ACBD6: variants seen among roughly 807,000 people sequenced by gnomAD.
ACBD6 encodes acyl-CoA binding domain containing 6, also known as acyl-CoA-binding domain-containing protein 6.
ACBD6 carries 28 observed loss-of-function variants against 37.2 expected under a neutral mutation model. That is an observed-to-expected ratio of 0.75 (90% confidence interval 0.56 to 1.03). The LOEUF is 1.03. ACBD6 is among the 50% of genes least tolerant of loss of function. The pLI, the probability that ACBD6 is intolerant of heterozygous loss-of-function variation, is 0.00. For synonymous variants in ACBD6, 113 were observed against 126.8 expected, an observed-to-expected ratio of 0.89 and a Z score of 0.73; for missense variants, 340 against 337.4, an observed-to-expected ratio of 1.01 and a Z score of -0.06.
rs558633220 is a variant in ACBD6, at chr1:180,502,246, G to A, written c.21C>T (p.Pro7=). The change falls in exon 1 of 8, where the codon CCC becomes CCT. Residue 7 remains proline, a synonymous_variant. Transcript: ENST00000367595. Reference sequence around the variant, plus strand: ...CGCTGTCGCCGGTGATGGCCCCCGCGGGCAGGAATGATGAAGCCATGTCTC... The same window carrying A: ...CGCTGTCGCCGGTGATGGCCCCCGCAGGCAGGAATGATGAAGCCATGTCTC... MASSFL[P]AGAITGDSGG... is the part of the protein sequence containing the mutation. 63 of 1,613,544 alleles carry A rather than the reference G, an allele frequency of 3.9e-5. No individual in the cohort carries two copies. The South Asian group carries it at 6.5e-4, about 17-fold the overall frequency.
intron 6 of ACBD6, among the ~76,000 whole-genome samples, chr1:180,337,105 A>T (rs1419376489): frequency 6.6e-6 from 1 of 152,230 alleles, no homozygotes; most frequent in East Asian, 1.9e-4. Flanking sequence ...TTCCTTCTGA[A>T]ACTATTCCAA....
chr1:180,271,710 C>T (rs1412188988), exon 14 of ACBD6: 19 of 1,285,116 alleles, frequency 1.5e-5, no homozygotes, highest in Non-Finnish European at 1.6e-5. Context: ...TGGGGCGCAT[C>T]GCACTCCCAG....
At chr1:180,347,726 G>C (rs12048418) in intron 6 of ACBD6, among the ~76,000 whole-genome samples, 143,468 of 152,244 alleles carry the variant, frequency 0.94, 67,645 homozygotes, top group East Asian at 0.98. Context: ...AATCCCAGCA[G>C]TTTGGGAGGC....
chr1:180,434,931 A>G (rs1648960728), intron 3 of ACBD6: 2 of 783,598 alleles, frequency 2.6e-6, no homozygotes, highest in Non-Finnish European at 4.7e-6. Flanking sequence ...AGGCTCAGCC[A>G]ACATTGAGAC....
chr1:180,367,304 C>T (rs146460780), intron 6 of ACBD6, among the ~76,000 whole-genome samples: 1 of 152,258 alleles, frequency 6.6e-6, no homozygotes, highest in East Asian at 1.9e-4. Flanking sequence ...CAAAATGACT[C>T]CAAGTTCCAG....
chr1:180,464,752 A>G (rs1445124274), intron 3 of ACBD6, among the ~76,000 whole-genome samples: 1 of 152,196 alleles, frequency 6.6e-6, no homozygotes, highest in East Asian at 1.9e-4. Flanking sequence ...AAAAGAAAAA[A>G]GCCAGAGAAA....
At chr1:180,335,641 G>C (rs1651681837) in intron 6 of ACBD6, among the ~76,000 whole-genome samples, 1 of 151,252 alleles carries the variant, frequency 6.6e-6, no homozygotes, top group Non-Finnish European at 1.5e-5. Flanking sequence ...ATAATGACAG[G>C]ATCAAATTCA....
chr1:180,368,602 C>A (rs768613388), intron 6 of ACBD6, among the ~76,000 whole-genome samples: 1 of 152,020 alleles, frequency 6.6e-6, no homozygotes, highest in Non-Finnish European at 1.5e-5. Context: ...TATGGCTAGC[C>A]AGTTATCCCA....
chr1:180,335,086 T>G (rs1347388962), intron 6 of ACBD6, among the ~76,000 whole-genome samples: 2 of 152,320 alleles, frequency 1.3e-5, no homozygotes, highest in Admixed American at 1.3e-4. Flanking sequence ...GAAAACACTC[T>G]GCAGGATATT....
At chr1:180,464,504 A>G (rs1230398428) in intron 3 of ACBD6, among the ~76,000 whole-genome samples, 1 of 152,172 alleles carries the variant, frequency 6.6e-6, no homozygotes, top group Admixed American at 6.5e-5. Context: ...GATCTCTACA[A>G]TGAGAATTAC....
chr1:180,435,063 GCA>G, intron 3 of ACBD6: 1 of 829,446 alleles, frequency 1.2e-6, no homozygotes, highest in Non-Finnish European at 2.1e-6. Flanking sequence ...AGGTCAGCTT[GCA>G]CATGATCTGA....
chr1:180,483,749 T>C (rs1032231935), intron 3 of ACBD6, among the ~76,000 whole-genome samples: 3 of 152,202 alleles, frequency 2.0e-5, no homozygotes, highest in Non-Finnish European at 4.4e-5. Context: ...ATTAATGTCA[T>C]TAATGGGCTG....
chr1:180,478,569 A>T (rs780344917), intron 3 of ACBD6, among the ~76,000 whole-genome samples: 63 of 151,812 alleles, frequency 4.1e-4, no homozygotes, highest in Non-Finnish European at 8.1e-4. Flanking sequence ...GCTCACTGCA[A>T]CCTCTGCCTC....
chr1:180,453,098 G>A (rs140018531), intron 3 of ACBD6, among the ~76,000 whole-genome samples: 1 of 152,112 alleles, frequency 6.6e-6, no homozygotes, highest in African/African-American at 2.4e-5. Context: ...TCAAAACCCG[G>A]CAGAGACACA....
intron 4 of ACBD6, among the ~76,000 whole-genome samples, chr1:180,420,003 G>C (rs1441964069): frequency 2.0e-5 from 3 of 152,224 alleles, no homozygotes; most frequent in Non-Finnish European, 4.4e-5. Flanking sequence ...TATCATAGAA[G>C]GGTCCATGTA....
At chr1:180,354,185 T>C (rs928310855) in intron 6 of ACBD6, among the ~76,000 whole-genome samples, 9 of 152,230 alleles carry the variant, frequency 5.9e-5, no homozygotes, top group South Asian at 2.1e-4. Flanking sequence ...TCAAGAGTCA[T>C]TGATTGGATT....
chr1:180,288,287 G>T lies in ACBD6; in HGVS notation c.*76C>A, dbSNP rs1649568480. The T allele has an allele frequency of 6.3e-7, 1 of 1,595,132 alleles. No homozygotes were observed. Among genetic ancestry groups the T allele is most frequent in the Non-Finnish European group, 8.6e-7 (1 of 1,166,596 alleles). ...ATACATACCAAAGACGGGTGGAAAA[G>T]AAGTATTATTTTTGTAGTTTTCTTT... On this transcript the variant is annotated 3_prime_UTR_variant, in exon 8 of 8. Coordinates refer to ENST00000367595, the MANE Select transcript of ACBD6 (RefSeq NM_032360.4).
At chr1:180,415,735 G>A (rs1051740629) in intron 4 of ACBD6, among the ~76,000 whole-genome samples, 1 of 152,174 alleles carries the variant, frequency 6.6e-6, no homozygotes, top group Non-Finnish European at 1.5e-5. Flanking sequence ...CCTTTGGAGT[G>A]GCCCCTCTTC....
chr1:180,473,596 T>C (rs993642903), intron 3 of ACBD6, among the ~76,000 whole-genome samples: 1 of 152,168 alleles, frequency 6.6e-6, no homozygotes, highest in Admixed American at 6.5e-5. Context: ...TTTCAAAAAC[T>C]GTAAAAAGAG....
Sources: allele counts gnomAD v4.1 joint callset (sites outside exome capture counted in the v4.1 genomes callset), GRCh38; gene constraint gnomAD v4.1.1; transcripts MANE v1.5; gene names NCBI Gene and HGNC (gene_info 2026-07-23, HGNC 2026-07-21).